The following XKR6 variants were observed in gnomAD, a reference collection of about 807,000 sequenced individuals.
XKR6 encodes XK related 6.
XKR6 carries 22 observed loss-of-function variants against 56.7 expected under a neutral mutation model. The observed-to-expected ratio is 0.39, with a 90% CI of 0.28 to 0.55. The LOEUF (loss-of-function observed/expected upper bound fraction) is 0.55, where lower values mean the gene tolerates loss of function less well. XKR6 is among the 20% of genes least tolerant of loss of function. The pLI, the probability that XKR6 is intolerant of heterozygous loss-of-function variation, is 0.66. For missense variants in XKR6, 852 were observed against 889.0 expected, an observed-to-expected ratio of 0.96 and a Z score of 0.53; for synonymous variants, 524 against 387.8, an observed-to-expected ratio of 1.35 and a Z score of -4.13.
rs563692516 is a variant in XKR6, at chr8:10,991,282, C to T, written c.765-66452G>A. Among the ~76,000 whole-genome samples the T allele has an allele frequency of 3.3e-5, 5 of 152,190 alleles. No individual in the cohort carries two copies. The South Asian group carries it at 1.0e-3, about 32-fold the overall frequency. On this transcript the variant is annotated intron_variant, in intron 1 of 2. Transcript: ENST00000416569. ...TGGTCATGGTGCAGAAAAGTCTGCT[C>T]TGGTGCTGATGGGAGCTGTCCAGGG... is the stretch of plus-strand genomic sequence containing the variant.
chr8:11,070,462 A>G (rs1222034707), intron 1 of XKR6, among the ~76,000 whole-genome samples: 1 of 152,204 alleles, frequency 6.6e-6, no homozygotes, highest in Non-Finnish European at 1.5e-5. Context: ...GAAGATCAGA[A>G]AGGGGCAATT....
In XKR6 at chr8:10,898,952, T is replaced by G. The variant is rs776823803; in HGVS notation, c.962-36A>C. On this transcript the variant is annotated intron_variant, in intron 2 of 2. Coordinates refer to ENST00000416569, the MANE Select transcript of XKR6 (RefSeq NM_173683.4). The surrounding 1 kb of genome is among the most constrained non-coding windows in gnomAD (Gnocchi z 6.6). ...GACACAAACCCACACAGTCAAAACCTTGGACATCAACCGCAGGGCACAGTG... is the reference window on the plus strand; with the variant it reads ...GACACAAACCCACACAGTCAAAACCGTGGACATCAACCGCAGGGCACAGTG... 3 of 1,554,750 alleles carry G rather than the reference T, an allele frequency of 1.9e-6. No individual in the cohort carries two copies. Among genetic ancestry groups the G allele is most frequent in the Non-Finnish European group, 2.6e-6 (3 of 1,155,076 alleles).
Position 11,124,160 on chromosome 8 carries a change from T to C in XKR6, c.764+76416A>G, listed in dbSNP as rs527691178. The C allele has an allele frequency of 2.4e-4, 90 of 371,316 alleles. 1 individual carries two copies. Among genetic ancestry groups the C allele is most frequent in the African/African-American group, 9.9e-4 (47 of 47,376 alleles). 23.0% of individuals were successfully genotyped at this position (371,316 alleles called of 1,614,324 possible). On this transcript the variant is annotated intron_variant, in intron 1 of 2. Coordinates refer to ENST00000416569, the MANE Select transcript of XKR6 (RefSeq NM_173683.4). The stretch of plus-strand genomic sequence containing the variant: ...ATTCTAATTTACTGGCATTTACATA[T>C]GAAACTACAGTTTAATCATTTGAGG...
intron 1 of XKR6, among the ~76,000 whole-genome samples, chr8:11,171,996 T>C (rs544808106): frequency 6.6e-6 from 1 of 150,900 alleles, no homozygotes; most frequent in Non-Finnish European, 1.5e-5. Context: ...CAGTATGCAG[T>C]GAGCCAACAT....
chr8:11,192,026 T>G (rs1803606912), intron 1 of XKR6, among the ~76,000 whole-genome samples: 1 of 152,108 alleles, frequency 6.6e-6, no homozygotes, highest in Admixed American at 6.5e-5. Flanking sequence ...CAGATAAATA[T>G]ATCTATATTA....
Position 10,951,300 on chromosome 8 carries a change from G to GTGTGTGTGTGTGT in XKR6, c.765-26471_765-26470insACACACACACACA, listed in dbSNP as rs988183717. On this transcript the variant is annotated intron_variant, in intron 1 of 2. Coordinates refer to ENST00000416569, the MANE Select transcript of XKR6 (RefSeq NM_173683.4). ...GGATAGAAAAGTGTGTGTGTGTGTGGGGGGGGGGGGCCCCCACAGTGGTGA... is the reference window on the plus strand; with the variant it reads ...GGATAGAAAAGTGTGTGTGTGTGTGGTGTGTGTGTGTGTGGGGGGGGGGCCCCCACAGTGGTGA... 6.2e-3 allele frequency among the ~76,000 whole-genome samples: 754 copies of GTGTGTGTGTGTGT among 122,330 alleles called. 2 individuals are homozygous for GTGTGTGTGTGTGT. The highest frequency in any genetic ancestry group is 0.017 in the African/African-American group (415 of 23,822). 80.3% of individuals were successfully genotyped at this position (122,330 alleles called of 152,430 possible). A position where few individuals can be genotyped will look rare whatever the true frequency, so the allele number is the denominator to read the frequency against.
At chr8:11,060,893 C>G (rs1022183399) in intron 1 of XKR6, among the ~76,000 whole-genome samples, 4 of 152,198 alleles carry the variant, frequency 2.6e-5, no homozygotes, top group Non-Finnish European at 5.9e-5. Context: ...GATCCTGATA[C>G]AAACCCTGAT....
At chr8:10,956,322 G>A (rs981369144) in intron 1 of XKR6, among the ~76,000 whole-genome samples, 13 of 410 alleles carry the variant, frequency 0.032, no homozygotes, top group Admixed American at 0.062. Context: ...TCTGAAAGGC[G>A]CCCCGGGATG....
chr8:11,101,076 G>T (rs1586545306), intron 1 of XKR6, among the ~76,000 whole-genome samples: 1 of 152,176 alleles, frequency 6.6e-6, no homozygotes, highest in African/African-American at 2.4e-5. Flanking sequence ...ATACACACGT[G>T]CACACACACA....
At chr8:11,137,651 G>A in intron 1 of XKR6, 1 of 456,266 alleles carries the variant, frequency 2.2e-6, no homozygotes, top group Non-Finnish European at 4.4e-6. Flanking sequence ...ACCATGCCAT[G>A]GTGTGAGCAA....
intron 1 of XKR6, among the ~76,000 whole-genome samples, chr8:10,998,591 A>G (rs932728089): frequency 3.3e-5 from 5 of 152,320 alleles, no homozygotes; most frequent in Middle Eastern, 3.4e-3. Flanking sequence ...TGAGGCAGAG[A>G]CCTGGGTTCT....
chr8:11,133,883 T>C (rs1276421052), intron 1 of XKR6, among the ~76,000 whole-genome samples: 2 of 152,002 alleles, frequency 1.3e-5, no homozygotes, highest in African/African-American at 2.4e-5. Context: ...CCAGCAAGAC[T>C]TCCTCCCATT....
At chr8:11,089,805 T>C (rs1241171219) in intron 1 of XKR6, among the ~76,000 whole-genome samples, 1 of 152,232 alleles carries the variant, frequency 6.6e-6, no homozygotes, top group Non-Finnish European at 1.5e-5. Flanking sequence ...CTCCGTCATC[T>C]TCCCCTTCCT....
At chr8:11,001,626 C>T (rs1242369943) in intron 1 of XKR6, among the ~76,000 whole-genome samples, 2 of 152,234 alleles carry the variant, frequency 1.3e-5, no homozygotes, top group Non-Finnish European at 2.9e-5. Context: ...GTCAGCAGGG[C>T]CCCCCATTCC....
intron 1 of XKR6, among the ~76,000 whole-genome samples, chr8:11,015,142 A>G (rs1278502481): frequency 1.3e-5 from 2 of 150,236 alleles, no homozygotes; most frequent in African/African-American, 4.9e-5. Context: ...TGATCGCGTG[A>G]TATGGGTGCC....
chr8:10,955,348 T>G (rs1398523760), intron 1 of XKR6, among the ~76,000 whole-genome samples: 1 of 152,142 alleles, frequency 6.6e-6, no homozygotes, highest in Non-Finnish European at 1.5e-5. Context: ...AATTTTCTTA[T>G]TTTTTTATTT....
chr8:10,937,945 G>A (rs572894386), intron 1 of XKR6, among the ~76,000 whole-genome samples: 13 of 151,224 alleles, frequency 8.6e-5, no homozygotes, highest in African/African-American at 2.4e-4. Flanking sequence ...CGAGCTTCCC[G>A]GCTGCTTTGT....
intron 1 of XKR6, among the ~76,000 whole-genome samples, chr8:11,086,148 A>ATTTTTT (rs372566415): frequency 4.1e-5 from 5 of 120,722 alleles, no homozygotes; most frequent in Admixed American, 8.0e-5. Context: ...ATATATATAT[A>ATTTTTT]TTTTTTTTTA....
rs1440577669 is a variant in XKR6, at chr8:10,898,729, C to G, written c.1149G>C (p.Gln383His). 6.2e-7 allele frequency: 1 copy of G among 1,614,038 alleles called. No homozygotes were observed. The highest frequency in any genetic ancestry group is 1.1e-5 in the South Asian group (1 of 91,078). Residue 383 changes from glutamine to histidine, a missense_variant, in exon 3 of 3, where the codon CAG (glutamine) becomes CAC (histidine). Gln to His is a conservative substitution (Grantham distance 24). Coordinates refer to ENST00000416569, the MANE Select transcript of XKR6 (RefSeq NM_173683.4). This position sits in a 1 kb window ranked among gnomAD's most constrained non-coding sequence, Gnocchi z 6.6. The stretch of plus-strand genomic sequence containing the variant: ...CCACCACGAAGATCCCAAAATAGAG[C>G]TGGAAGATGGAAGCAAAGAGGGCAA... ...ISFALFASIF[Q>H]LYFGIFVVVH...
Sources: gnomAD v4.1 joint callset for allele counts (sites outside exome capture counted in the v4.1 genomes callset) on GRCh38, gnomAD v4.1.1 for gene constraint, Gnocchi (gnomAD v3.1) non-coding constraint, MANE v1.5 for transcripts, NCBI Gene and HGNC (gene_info 2026-07-23, HGNC 2026-07-21) for gene names.